The following TGFB3 variants were observed in gnomAD, a reference collection of about 807,000 sequenced individuals.
TGFB3 encodes transforming growth factor beta-3 proprotein.
Under a neutral mutation model 40.1 loss-of-function variants are expected in TGFB3, and 5 were observed. The ratio of observed to expected loss-of-function variants is 0.12; its 90% CI spans 0.07 to 0.26. The LOEUF (loss-of-function observed/expected upper bound fraction) is 0.26, where lower values mean the gene tolerates loss of function less well. Ranked by LOEUF, TGFB3 falls within the 10% of genes least tolerant of loss-of-function variation. TGFB3 has a pLI of 1.00. For missense variants in TGFB3, 373 were observed against 530.1 expected, an observed-to-expected ratio of 0.70 and a Z score of 2.91; for synonymous variants, 184 against 205.6, an observed-to-expected ratio of 0.89 and a Z score of 0.90.
chr14:75,970,721 C>A, intron 3 of TGFB3: 1 of 310,142 alleles, frequency 3.2e-6, no homozygotes, highest in Non-Finnish European at 6.3e-6. Context: ...GCTGCTAGAA[C>A]AAATCAAGCT....
rs2035427384 is a variant in TGFB3 at position 75,981,186 on chromosome 14, C to G, written c.-293G>C. 2.2e-6 allele frequency: 1 copy of G among 455,534 alleles called. No homozygotes were observed. The highest frequency in any genetic ancestry group is 2.1e-5 in the South Asian group (1 of 46,888). 28.2% of individuals were successfully genotyped at this position (455,534 alleles called of 1,614,324 possible). The stretch of plus-strand genomic sequence containing the variant: ...GACTCCCAGCAGGCCAGGTGGAGGG[C>G]AAGCAGAGGGCTGGGAGGGGTGGCA... On this transcript the variant is annotated 5_prime_UTR_variant, in exon 1 of 7. Transcript: ENST00000238682. The surrounding 1 kb of genome is among the most constrained non-coding windows in gnomAD (Gnocchi z 4.7).
chr14:75,971,734 G>T lies in TGFB3; in HGVS notation c.353-16C>A. On this transcript the variant is annotated splice_polypyrimidine_tract_variant and intron_variant, in intron 1 of 6. Coordinates refer to ENST00000238682, the MANE Select transcript of TGFB3 (RefSeq NM_003239.5). The surrounding 1 kb of genome is among the most constrained non-coding windows in gnomAD (Gnocchi z 4.5). Reference sequence around the variant, plus strand: ...GCCAGTTCGTCTAGGAGATAAAGCAGAGCAGAGGGCACAGCATGAGCGAGA... The same window carrying T: ...GCCAGTTCGTCTAGGAGATAAAGCATAGCAGAGGGCACAGCATGAGCGAGA... The T allele has an allele frequency of 6.2e-7, 1 of 1,614,044 alleles. No individual in the cohort carries two copies. The highest frequency in any genetic ancestry group is 1.1e-5 in the South Asian group (1 of 91,020).
chr14:75,961,228 A>T (rs2035153282), intron 5 of TGFB3, 152 bp from the exon 6 acceptor site: 6 of 846,896 alleles, frequency 7.1e-6, no homozygotes, highest in Admixed American at 2.2e-5. Flanking sequence ...GGGGCAGAAG[A>T]AACCAGAAAG....
rs974438097 is a variant in TGFB3, at chr14:75,979,261, C to T, written c.352+1281G>A. On this transcript the variant is annotated intron_variant, in intron 1 of 6. Transcript: ENST00000238682. The surrounding 1 kb of genome is among the most constrained non-coding windows in gnomAD (Gnocchi z 4.8). Reference sequence around the variant, plus strand: ...CTTTGCACCTCCAGCCAGAGCTGGTCCACCCATCGGTACCCACTCCTGTTC... The same window carrying T: ...CTTTGCACCTCCAGCCAGAGCTGGTTCACCCATCGGTACCCACTCCTGTTC... Among the ~76,000 whole-genome samples, 2 of 152,134 alleles carry T rather than the reference C, an allele frequency of 1.3e-5. No homozygotes were observed. The highest frequency in any genetic ancestry group is 2.9e-5 in the Non-Finnish European group (2 of 68,016).
intron 1 of TGFB3, among the ~76,000 whole-genome samples, chr14:75,977,181 C>T (rs1220329776): frequency 6.6e-6 from 1 of 152,204 alleles, no homozygotes; most frequent in African/African-American, 2.4e-5. Context: ...TGCTGAGAAA[C>T]TCTGGGTTTG....
At position 75,971,184 on chromosome 14, in the gene TGFB3, A is replaced by T; in HGVS notation, c.588T>A (p.Thr196=). The change falls in exon 3 of 7, where the codon ACT becomes ACA. Residue 196 remains threonine (T), a synonymous_variant. Coordinates refer to ENST00000238682, the MANE Select transcript of TGFB3 (RefSeq NM_003239.5). The surrounding 1 kb of genome is among the most constrained non-coding windows in gnomAD (Gnocchi z 4.5). ...TGACATCAAAGGACAGCCACTCGGCAGTGCCCCGTGTGGGCAGATTCTTGC... is the reference window on the plus strand; with the variant it reads ...TGACATCAAAGGACAGCCACTCGGCTGTGCCCCGTGTGGGCAGATTCTTGC... ...IGGKNLPTRG[T]AEWLSFDVTD... The T allele has an allele frequency of 6.2e-7, 1 of 1,614,204 alleles. No homozygotes were observed. The highest frequency in any genetic ancestry group is 8.5e-7 in the Non-Finnish European group (1 of 1,180,042).
chr14:75,959,255 A>C lies in TGFB3; in HGVS notation c.1171T>G (p.Tyr391Asp). 1 of 1,614,166 alleles carries C rather than the reference A, an allele frequency of 6.2e-7. No homozygotes were observed. Among genetic ancestry groups the C allele is most frequent in the South Asian group, 1.1e-5 (1 of 91,072 alleles). ...TCCACTTTGGGGGTCCTCCCAACAT[A>C]GTACAGGATGGTCAGGGGCTCCAGG... is the stretch of plus-strand genomic sequence containing the variant. The part of the protein sequence containing the change: ...QDLEPLTILY[Y>D]VGRTPKVEQL... Residue 391 changes from tyrosine to aspartate, a missense_variant, in exon 7 of 7, where the codon TAT (tyrosine) becomes GAT (aspartate). Transcript: ENST00000238682.
chr14:75,971,309 A>G lies in TGFB3; in HGVS notation c.517-54T>C, dbSNP rs2035288933. On this transcript the variant is annotated intron_variant, in intron 2 of 6. Coordinates refer to ENST00000238682, the MANE Select transcript of TGFB3 (RefSeq NM_003239.5). The surrounding 1 kb of genome is among the most constrained non-coding windows in gnomAD (Gnocchi z 4.5). ...CGAGACCAGGACAGAGTGCCCCAGA[A>G]GATGTCACAATGCAGAGCACAGGTG... The G allele has an allele frequency of 1.9e-6, 3 of 1,613,178 alleles. No individual in the cohort carries two copies. The South Asian group carries it at 3.3e-5, about 18-fold the overall frequency.
Position 75,963,344 on chromosome 14 carries a change from G to T in TGFB3, c.898C>A (p.Arg300=). ...NPGQGGQRKK[R]ALDTNYCFRN... ...AAGCAGTAATTGGTGTCCAAAGCCC[G>T]CTTCTTCCTCTGACCCCCCTGGCCC... Residue 300 remains arginine, a synonymous_variant, in exon 5 of 7, where the codon CGG becomes AGG. Transcript: ENST00000238682. 1 of 1,614,138 alleles carries T rather than the reference G, an allele frequency of 6.2e-7. No individual in the cohort carries two copies. The highest frequency in any genetic ancestry group is 8.5e-7 in the Non-Finnish European group (1 of 1,180,008).
chr14:75,963,292 G>T (rs752876243), intron 5 of TGFB3, 24 bp downstream of exon 5: 38 of 1,613,694 alleles, frequency 2.4e-5, no homozygotes, highest in Non-Finnish European at 3.0e-5. Flanking sequence ...GTAGATGTTG[G>T]TTCCCATGTG....
rs1296141902 is a variant in TGFB3, at chr14:75,971,241, A to T, written c.531T>A (p.Asp177Glu). 6.2e-7 allele frequency: 1 copy of T among 1,614,174 alleles called. No individual in the cohort carries two copies. Among genetic ancestry groups the T allele is most frequent in the Admixed American group, 1.7e-5 (1 of 60,030 alleles). Reference sequence around the variant, plus strand: ...TATAGCGCTGTTTGGCAATGTGCTCATCTGGCCGAAGGATCTACAGGGCAG... The same window carrying T: ...TATAGCGCTGTTTGGCAATGTGCTCTTCTGGCCGAAGGATCTACAGGGCAG... Reference protein sequence around the residue: ...RIELFQILRPDEHIAKQRYIG... With the variant: ...RIELFQILRPEEHIAKQRYIG... The change falls in exon 3 of 7, where the codon GAT (aspartate) becomes GAA (glutamate). Residue 177 changes from aspartate to glutamate, a missense_variant. Asp to Glu is a conservative substitution (Grantham distance 45). Transcript: ENST00000238682. The surrounding 1 kb of genome is among the most constrained non-coding windows in gnomAD (Gnocchi z 4.5).
At chr14:75,959,437 C>T in intron 6 of TGFB3, 92 bp from the exon 7 acceptor site, 2 of 1,523,238 alleles carry the variant, frequency 1.3e-6, no homozygotes, top group Non-Finnish European at 1.8e-6. Flanking sequence ...GTCCCAGAAG[C>T]TGAGCAAGTG....
At chr14:75,967,561 GA>G (rs2035234466) in intron 3 of TGFB3, among the ~76,000 whole-genome samples, 1 of 152,330 alleles carries the variant, frequency 6.6e-6, no homozygotes, top group African/African-American at 2.4e-5. Context: ...CTGTGAGTTA[GA>G]AAGTCAAGGT....
At chr14:75,972,324 T>C (rs1318058536) in intron 1 of TGFB3, among the ~76,000 whole-genome samples, 1 of 152,192 alleles carries the variant, frequency 6.6e-6, no homozygotes, top group Non-Finnish European at 1.5e-5. Flanking sequence ...AAGGCCAAGG[T>C]CTGATTTCAA....
upstream of TGFB3, chr14:75,982,644 C>T (rs1198789127): frequency 1.5e-5 from 2 of 132,376 alleles, no homozygotes; most frequent in African/African-American, 2.8e-5. The surrounding 1 kb of genome is among the most constrained non-coding windows in gnomAD (Gnocchi z 4.0). Context: ...AGGAGCTCGG[C>T]TGGTCGGGAG....
At chr14:75,975,139 A>G (rs1190065961) in intron 1 of TGFB3, among the ~76,000 whole-genome samples, 1 of 151,570 alleles carries the variant, frequency 6.6e-6, no homozygotes, top group Non-Finnish European at 1.5e-5. Flanking sequence ...AGGCCGAGGC[A>G]GGTGGATCAC....
chr14:75,962,084 T>C (rs2035164297), intron 5 of TGFB3, among the ~76,000 whole-genome samples: 1 of 152,004 alleles, frequency 6.6e-6, no homozygotes, highest in Non-Finnish European at 1.5e-5. Context: ...CTTGTGACCA[T>C]AAGGAAAAGG....
In TGFB3 at chr14:75,980,442, G is replaced by T; in HGVS notation, c.352+100C>A. Reference sequence around the variant, plus strand: ...AGCCTTGGTGCTGGTGAATCCTGGGGCACCCTGCTGTGTGGCCAGCACTAG... The same window carrying T: ...AGCCTTGGTGCTGGTGAATCCTGGGTCACCCTGCTGTGTGGCCAGCACTAG... On this transcript the variant is annotated intron_variant, in intron 1 of 6. Coordinates refer to ENST00000238682, the MANE Select transcript of TGFB3 (RefSeq NM_003239.5). This position sits in a 1 kb window ranked among gnomAD's most constrained non-coding sequence, Gnocchi z 4.3. 1 of 1,237,960 alleles carries T rather than the reference G, an allele frequency of 8.1e-7. No individual in the cohort carries two copies. Among genetic ancestry groups the T allele is most frequent in the Non-Finnish European group, 1.2e-6 (1 of 843,274 alleles). 76.7% of individuals were successfully genotyped at this position (1,237,960 alleles called of 1,614,324 possible).
intron 5 of TGFB3, among the ~76,000 whole-genome samples, chr14:75,961,785 C>G (rs1463143696): frequency 6.6e-6 from 1 of 152,206 alleles, no homozygotes; most frequent in Non-Finnish European, 1.5e-5. Flanking sequence ...CATTGGTTAT[C>G]TATTCAATAA....
Sources: allele counts gnomAD v4.1 joint callset (sites outside exome capture counted in the v4.1 genomes callset), GRCh38; gene constraint gnomAD v4.1.1; non-coding constraint Gnocchi (gnomAD v3.1); transcripts MANE v1.5; gene names NCBI Gene and HGNC (gene_info 2026-07-23, HGNC 2026-07-21).